Variants in TRRAP observed in about 807,000 individuals in gnomAD.
TRRAP encodes the protein transformation/transcription domain associated protein.
In TRRAP, 41 loss-of-function variants were observed where a neutral mutation model predicts 438.8. That is an observed-to-expected ratio of 0.09 (90% CI 0.07 to 0.12). TRRAP has a LOEUF of 0.12. Among genes scored for constraint, TRRAP ranks in the 10% least tolerant of loss-of-function variants. TRRAP has a pLI of 1.00. For synonymous variants in TRRAP, 1,994 were observed against 1,962.9 expected, an observed-to-expected ratio of 1.02 and a Z score of -0.42; for missense variants, 3,122 against 5,055.1, an observed-to-expected ratio of 0.62 and a Z score of 11.60.
intron 51 of TRRAP, among the ~76,000 whole-genome samples, chr7:98,968,522 G>C (rs1357241242): frequency 1.3e-5 from 2 of 152,236 alleles, no homozygotes; most frequent in Non-Finnish European, 2.9e-5. Context: ...TTTCCAGCAG[G>C]ATTGTGGTAA....
At position 98,949,423 on chromosome 7, in the gene TRRAP, T is replaced by C; in HGVS notation, c.4795T>C (p.Leu1599=). The change falls in exon 36 of 73, where the codon TTA becomes CTA. Residue 1599 remains leucine (L), a synonymous_variant. Transcript: ENST00000456197. ...PQWSRMFMSF[L]KHKDARPLRD... ...CTATTTGTTTTGCTTTCAGAGTTTT[T>C]TAAAACACAAAGACGCCAGACCTCT... 6.5e-7 allele frequency: 1 copy of C among 1,535,982 alleles called. No individual in the cohort carries two copies. Among genetic ancestry groups the C allele is most frequent in the Non-Finnish European group, 8.7e-7 (1 of 1,145,188 alleles).
chr7:98,937,897 G>A (rs1025391847), intron 30 of TRRAP, 77 bp downstream of exon 30: 80 of 1,435,914 alleles, frequency 5.6e-5, no homozygotes, highest in Non-Finnish European at 6.9e-5. Context: ...TAATGCAGCT[G>A]GGCACAGTGG....
intron 31 of TRRAP, among the ~76,000 whole-genome samples, chr7:98,944,533 C>T (rs1210293304): frequency 2.6e-5 from 4 of 151,978 alleles, no homozygotes; most frequent in Non-Finnish European, 2.9e-5. Flanking sequence ...TGAGGTTGGC[C>T]GCTTGTCTGA....
intron 3 of TRRAP, 79 bp from the exon 4 acceptor site, chr7:98,890,256 G>A (rs745982856): frequency 9.5e-5 from 85 of 890,156 alleles, no homozygotes; most frequent in Non-Finnish European, 1.3e-4. Flanking sequence ...ATATTCCTTT[G>A]CAGTTATTAT....
Position 99,005,024 on chromosome 7 carries a change from A to T in TRRAP, c.10536-107A>T. On this transcript the variant is annotated intron_variant, in intron 68 of 72. Coordinates refer to ENST00000456197, the MANE Select transcript of TRRAP (RefSeq NM_001375524.1). This position sits in a 1 kb window ranked among gnomAD's most constrained non-coding sequence, Gnocchi z 5.1. ...TAAATTGATAAACGACCGCTGGCCT[A>T]CACAGTCCGTTTTCCCGTGACAGTT... The T allele has an allele frequency of 8.9e-7, 1 of 1,127,344 alleles. No homozygotes were observed. The highest frequency in any genetic ancestry group is 1.3e-6 in the Non-Finnish European group (1 of 760,626). The allele number at this position is 1,127,344 out of a possible 1,614,324, so 69.8% of individuals were successfully genotyped here. A position where few individuals can be genotyped will look rare whatever the true frequency, so the allele number is the denominator to read the frequency against.
intron 53 of TRRAP, among the ~76,000 whole-genome samples, chr7:98,975,323 C>T (rs1792606701): frequency 6.6e-6 from 1 of 152,344 alleles, no homozygotes; most frequent in South Asian, 2.1e-4. Context: ...ATGTCCCTGG[C>T]ACTCTGCCAC....
At chr7:98,921,416 C>T (rs1026088142) in intron 20 of TRRAP, among the ~76,000 whole-genome samples, 4 of 152,208 alleles carry the variant, frequency 2.6e-5, no homozygotes, top group East Asian at 1.9e-4. Context: ...GCCCTTGTCA[C>T]CCGGGCTGGA....
In TRRAP at chr7:98,983,965, G is replaced by A. The variant is rs1004741455; in HGVS notation, c.9023-128G>A. The A allele has an allele frequency of 4.3e-5, 53 of 1,223,966 alleles. No individual in the cohort carries two copies. In the African/African-American group the frequency reaches 8.0e-4, roughly 18 times the overall value. 75.8% of individuals were successfully genotyped at this position (1,223,966 alleles called of 1,614,324 possible). On this transcript the variant is annotated intron_variant, in intron 60 of 72. Coordinates refer to ENST00000456197, the MANE Select transcript of TRRAP (RefSeq NM_001375524.1). ...TGGCATAAAATACAAAGTAACGAGG[G>A]TTTATCACAGAGCTGCCCATTTTCA...
Position 98,925,235 on chromosome 7 carries a change from G to A in TRRAP, c.2947G>A (p.Ala983Thr), listed in dbSNP as rs972402682. 6.8e-6 allele frequency: 11 copies of A among 1,613,964 alleles called. No homozygotes were observed. Among genetic ancestry groups the A allele is most frequent in the African/African-American group, 6.7e-5 (5 of 74,896 alleles). The change falls in exon 22 of 73, where the codon GCA becomes ACA. Residue 983 changes from alanine to threonine, a missense_variant. By Grantham distance (58) the Ala-to-Thr change is moderately conservative (BLOSUM62 0). This residue lies in a region of TRRAP where 133 missense variants were observed against 188.6 expected (regional missense o/e 0.71). Coordinates refer to ENST00000456197, the MANE Select transcript of TRRAP (RefSeq NM_001375524.1). ...GATGAGCCTGGAGGACAACAAGCAC[G>A]CACTCTACCAGCTCCTGGCACACCC... ...AMMSLEDNKH[A>T]LYQLLAHPNF...
chr7:99,001,532 A>T (rs1793919312), intron 67 of TRRAP, among the ~76,000 whole-genome samples: 1 of 145,272 alleles, frequency 6.9e-6, no homozygotes, highest in Non-Finnish European at 1.5e-5. Flanking sequence ...CTGGCTTTTG[A>T]TGTAAAAAAA....
At chr7:98,925,594 A>G (rs1790012958) in intron 22 of TRRAP, among the ~76,000 whole-genome samples, 1 of 152,186 alleles carries the variant, frequency 6.6e-6, no homozygotes, top group Non-Finnish European at 1.5e-5. Context: ...GGCGCCTGAA[A>G]GGCATGCAGT....
chr7:98,892,136 CCAGT>C (rs1228595140), intron 4 of TRRAP, among the ~76,000 whole-genome samples: 1 of 152,312 alleles, frequency 6.6e-6, no homozygotes, highest in East Asian at 1.9e-4. Flanking sequence ...TGTTCGTACA[CCAGT>C]GTCCGTTGGA....
At position 98,942,960 on chromosome 7, in the gene TRRAP, C is replaced by A. The variant is rs368513287; in HGVS notation, c.4416C>A (p.Arg1472=). The change falls in exon 31 of 73, where the codon CGC becomes CGA. Residue 1472 remains arginine, a synonymous_variant. Coordinates refer to ENST00000456197, the MANE Select transcript of TRRAP (RefSeq NM_001375524.1). ...KFCDQMMQHL[R]KWMEVVVITH... is the part of the protein sequence containing the mutation. Reference sequence around the variant, plus strand: ...TGTTTTTCCAACAGCAACATCTGCGCAAGTGGATGGAAGTGGTGGTGATCA... The same window carrying A: ...TGTTTTTCCAACAGCAACATCTGCGAAAGTGGATGGAAGTGGTGGTGATCA... 15 of 1,614,004 alleles carry A rather than the reference C, an allele frequency of 9.3e-6. No homozygotes were observed. The African/African-American group carries it at 1.9e-4, about 20-fold the overall frequency.
In TRRAP at chr7:99,011,208, G is replaced by C; in HGVS notation, c.11095G>C (p.Val3699Leu). The C allele has an allele frequency of 1.9e-6, 3 of 1,614,102 alleles. No individual in the cohort carries two copies. Among genetic ancestry groups the C allele is most frequent in the Non-Finnish European group, 2.5e-6 (3 of 1,180,024 alleles). The change falls in exon 71 of 73, where the codon GTC becomes CTC. Residue 3699 changes from valine to leucine, a missense_variant. Val to Leu is a conservative substitution (Grantham distance 32). Coordinates refer to ENST00000456197, the MANE Select transcript of TRRAP (RefSeq NM_001375524.1). The surrounding 1 kb of genome is among the most constrained non-coding windows in gnomAD (Gnocchi z 7.1). ...QLALIGFAEF[V>L]LHLNRLNPEM... ...GGCTCTGATAGGCTTCGCGGAATTCGTCCTGCATTTAAATAGACTCAACCC... is the reference window on the plus strand; with the variant it reads ...GGCTCTGATAGGCTTCGCGGAATTCCTCCTGCATTTAAATAGACTCAACCC...
In TRRAP at chr7:98,976,385, A is replaced by T; in HGVS notation, c.7960-98A>T. The T allele has an allele frequency of 6.4e-7, 1 of 1,569,058 alleles. No individual in the cohort carries two copies. The highest frequency in any genetic ancestry group is 8.6e-7 in the Non-Finnish European group (1 of 1,160,338). ...GAAAATGAGGGAACCGCTGGCTGTC[A>T]CTCGAGCGAATTAGGAAAGGTATTC... On this transcript the variant is annotated intron_variant, in intron 54 of 72. Transcript: ENST00000456197. The surrounding 1 kb of genome is among the most constrained non-coding windows in gnomAD (Gnocchi z 4.6).
chr7:98,907,403 A>T (rs1796827484), intron 13 of TRRAP, among the ~76,000 whole-genome samples: 1 of 152,238 alleles, frequency 6.6e-6, no homozygotes, highest in Non-Finnish European at 1.5e-5. Flanking sequence ...TTATAAAATG[A>T]ATCAATGTTT....
At chr7:99,007,777 T>C (rs1459037202) in intron 69 of TRRAP, among the ~76,000 whole-genome samples, 2 of 151,878 alleles carry the variant, frequency 1.3e-5, no homozygotes, top group African/African-American at 4.8e-5. Flanking sequence ...GCCTCCCGAG[T>C]AGCTGGGACT....
At chr7:98,879,281 G>GC (rs1366498493) in intron 1 of TRRAP, among the ~76,000 whole-genome samples, 11 of 152,310 alleles carry the variant, frequency 7.2e-5, no homozygotes, top group African/African-American at 9.6e-5. Context: ...CCCGGCCAGG[G>GC]CCCCCCAGGC....
chr7:98,880,825 C>G (rs1795396988), intron 1 of TRRAP, among the ~76,000 whole-genome samples: 1 of 152,076 alleles, frequency 6.6e-6, no homozygotes, highest in African/African-American at 2.4e-5. Context: ...TGGCTCTTTA[C>G]AGAAAATGTT....
Sources: allele counts gnomAD v4.1 joint callset (sites outside exome capture counted in the v4.1 genomes callset), GRCh38; gene constraint gnomAD v4.1.1; regional missense constraint gnomAD v4.1.1; non-coding constraint Gnocchi (gnomAD v3.1); transcripts MANE v1.5; gene names NCBI Gene and HGNC (gene_info 2026-07-23, HGNC 2026-07-21).